The following DMRT1 variants were observed in gnomAD, a reference collection of about 807,000 sequenced individuals.
DMRT1 encodes the protein doublesex and mab-3 related transcription factor 1, also known as doublesex- and mab-3-related transcription factor 1.
In DMRT1, 7 loss-of-function variants were observed where a neutral mutation model predicts 32.3. The observed-to-expected ratio is 0.22, with a 90% CI of 0.12 to 0.41. The LOEUF is 0.41. Ranked by LOEUF, DMRT1 falls within the 10% of genes least tolerant of loss-of-function variation. The pLI is 1.00. For missense variants in DMRT1, 625 were observed against 500.5 expected, an observed-to-expected ratio of 1.25 and a Z score of -2.37; for synonymous variants, 278 against 206.1, an observed-to-expected ratio of 1.35 and a Z score of -2.99.
At chr9:925,646 C>T (rs184298220) in intron 4 of DMRT1, among the ~76,000 whole-genome samples, 10 of 152,320 alleles carry the variant, frequency 6.6e-5, no homozygotes, top group Admixed American at 1.3e-4. Flanking sequence ...GTGTTTTTCT[C>T]TTCATTTCCT....
chr9:931,733 G>A (rs537353549), intron 4 of DMRT1, among the ~76,000 whole-genome samples: 5 of 152,288 alleles, frequency 3.3e-5, no homozygotes, highest in African/African-American at 1.2e-4. Flanking sequence ...AAGGACACTA[G>A]TCTTAGAGAG....
At position 947,825 on chromosome 9, in the gene DMRT1, T is replaced by C. The variant is rs181150109; in HGVS notation, c.968-20160T>C. Among the ~76,000 whole-genome samples, 14 of 152,292 alleles carry C rather than the reference T, an allele frequency of 9.2e-5. No homozygotes were observed. The South Asian group carries it at 1.7e-3, about 18-fold the overall frequency. ...TACTGTCTGAAGTCAAGTTTTATTA[T>C]TGTACTACTAACCATTTCCTGTCGC... On this transcript the variant is annotated intron_variant, in intron 4 of 4. Transcript: ENST00000382276.
At chr9:878,574 G>A (rs1348397374) in intron 2 of DMRT1, among the ~76,000 whole-genome samples, 1 of 152,168 alleles carries the variant, frequency 6.6e-6, no homozygotes, top group African/African-American at 2.4e-5. Context: ...GAGAAGGCCA[G>A]GAGTGGAAGA....
intron 4 of DMRT1, among the ~76,000 whole-genome samples, chr9:959,446 T>C (rs1187816889): frequency 1.3e-5 from 2 of 152,264 alleles, no homozygotes; most frequent in Non-Finnish European, 2.9e-5. Context: ...AGAGTCACTA[T>C]GTAGTCACTA....
intron 4 of DMRT1, among the ~76,000 whole-genome samples, chr9:966,424 A>C (rs1187030358): frequency 6.6e-6 from 1 of 152,246 alleles, no homozygotes; most frequent in Non-Finnish European, 1.5e-5. Context: ...ATTAAAGACT[A>C]AACAAATCTA....
intron 4 of DMRT1, among the ~76,000 whole-genome samples, chr9:954,709 C>T (rs1293720387): frequency 6.6e-6 from 1 of 151,844 alleles, no homozygotes; most frequent in Non-Finnish European, 1.5e-5. Context: ...TAGTACGATC[C>T]CGGCTCACTG....
chr9:895,853 G>GGA (rs1480681977), intron 3 of DMRT1, among the ~76,000 whole-genome samples: 9 of 141,620 alleles, frequency 6.4e-5, no homozygotes, highest in Non-Finnish European at 1.3e-4. Context: ...TCACCCAGCT[G>GGA]GAGTACAGTG....
chr9:851,971 A>C (rs565991269), intron 2 of DMRT1, among the ~76,000 whole-genome samples: 2 of 146,320 alleles, frequency 1.4e-5, no homozygotes, highest in East Asian at 4.0e-4. Context: ...AGACAGTCTC[A>C]CTCTGTCGCT....
At chr9:863,746 C>G (rs1366999215) in intron 2 of DMRT1, among the ~76,000 whole-genome samples, 1 of 152,234 alleles carries the variant, frequency 6.6e-6, no homozygotes, top group Admixed American at 6.5e-5. Flanking sequence ...TTTGTTAACA[C>G]AGTGAAAGAT....
chr9:843,112 C>T (rs1203007890), intron 1 of DMRT1, among the ~76,000 whole-genome samples: 3 of 152,184 alleles, frequency 2.0e-5, no homozygotes, highest in Non-Finnish European at 4.4e-5. Flanking sequence ...TTTCCTCGAG[C>T]GTCCCCAGAA....
chr9:893,881 T>C, intron 2 of DMRT1, 31 bp from the exon 3 acceptor site: 1 of 1,598,938 alleles, frequency 6.3e-7, no homozygotes, highest in South Asian at 1.1e-5. Context: ...ATTAATACCA[T>C]GTTGTATTTT....
chr9:868,575 A>G (rs1816094845), intron 2 of DMRT1, among the ~76,000 whole-genome samples: 1 of 152,216 alleles, frequency 6.6e-6, no homozygotes, highest in South Asian at 2.1e-4. Context: ...CTTTCTAAGC[A>G]CAGCTAGCTC....
intron 2 of DMRT1, among the ~76,000 whole-genome samples, chr9:862,133 T>TGG (rs1445610237): frequency 7.2e-6 from 1 of 138,526 alleles, no homozygotes; most frequent in African/African-American, 2.6e-5. Flanking sequence ...CTCAGCACTT[T>TGG]GGGAGGCCAA....
chr9:897,152 G>A (rs1224548449), intron 3 of DMRT1, among the ~76,000 whole-genome samples: 5 of 150,574 alleles, frequency 3.3e-5, no homozygotes, highest in Non-Finnish European at 5.9e-5. Flanking sequence ...TCGCTCTGTC[G>A]CCCAGGCTGG....
intron 2 of DMRT1, among the ~76,000 whole-genome samples, chr9:871,423 C>A (rs1816246560): frequency 6.6e-6 from 1 of 151,408 alleles, no homozygotes; most frequent in Admixed American, 6.6e-5. Flanking sequence ...AGCTCCGCGT[C>A]CCGGGTTCAC....
chr9:928,565 C>G (rs1326675961), intron 4 of DMRT1, among the ~76,000 whole-genome samples: 1 of 152,148 alleles, frequency 6.6e-6, no homozygotes. Flanking sequence ...GTGTATGGAA[C>G]TTGACCTCTA....
At chr9:872,124 T>C (rs1442026737) in intron 2 of DMRT1, among the ~76,000 whole-genome samples, 3 of 151,282 alleles carry the variant, frequency 2.0e-5, no homozygotes, top group African/African-American at 7.4e-5. Context: ...TGCAGTGGCT[T>C]GATTTCGGCT....
chr9:910,280 CTGATA>C (rs546478282), intron 3 of DMRT1, among the ~76,000 whole-genome samples: 18 of 151,074 alleles, frequency 1.2e-4, no homozygotes, highest in South Asian at 6.3e-4. Context: ...AAGGCATCAT[CTGATA>C]TAAGTTCAAA....
At chr9:957,211 C>A (rs1819628582) in intron 4 of DMRT1, among the ~76,000 whole-genome samples, 1 of 152,190 alleles carries the variant, frequency 6.6e-6, no homozygotes, top group Non-Finnish European at 1.5e-5. Flanking sequence ...ATGAGCTCAC[C>A]TGTCCTGAAA....
Sources: allele counts gnomAD v4.1 joint callset (sites outside exome capture counted in the v4.1 genomes callset), GRCh38; gene constraint gnomAD v4.1.1; transcripts MANE v1.5; gene names NCBI Gene and HGNC (gene_info 2026-07-23, HGNC 2026-07-21).